VAT1L: variants seen among roughly 807,000 people sequenced by gnomAD.
VAT1L encodes the protein putative NADPH-dependent quinone oxidoreductase VAT1L.
Under a neutral mutation model 44.1 loss-of-function variants are expected in VAT1L, and 34 were observed. That is an observed-to-expected ratio of 0.77 (90% CI 0.59 to 1.03). The LOEUF is 1.03. Among genes scored for constraint, VAT1L ranks in the 50% least tolerant of loss-of-function variants. The pLI is 0.00. For missense variants in VAT1L, 615 were observed against 538.8 expected (o/e 1.14, Z -1.40); for synonymous variants, 253 against 202.2 (o/e 1.25, Z -2.13).
intron 7 of VAT1L, among the ~76,000 whole-genome samples, chr16:77,960,235 C>A (rs1430839531): frequency 6.6e-6 from 1 of 152,168 alleles, no homozygotes; most frequent in Non-Finnish European, 1.5e-5. Flanking sequence ...TTGCTTGCCA[C>A]TGTCTTCCCA....
intron 3 of VAT1L, among the ~76,000 whole-genome samples, chr16:77,852,926 T>G (rs1469266690): frequency 6.6e-6 from 1 of 152,160 alleles, no homozygotes; most frequent in Non-Finnish European, 1.5e-5. Flanking sequence ...TCATAAAGGT[T>G]GTGATGAGGA....
intron 7 of VAT1L, among the ~76,000 whole-genome samples, chr16:77,897,040 G>C (rs1378963877): frequency 1.3e-5 from 2 of 152,190 alleles, no homozygotes; most frequent in Admixed American, 1.3e-4. Flanking sequence ...AAAGGCAACA[G>C]AGGACCAGTT....
intron 4 of VAT1L, among the ~76,000 whole-genome samples, chr16:77,874,911 C>G (rs576338138): frequency 6.7e-6 from 1 of 149,482 alleles, no homozygotes; most frequent in Non-Finnish European, 1.5e-5. Flanking sequence ...ATTCTCAGAG[C>G]GTGGAGCTGG....
intron 7 of VAT1L, among the ~76,000 whole-genome samples, chr16:77,953,774 G>A (rs2084453046): frequency 6.6e-6 from 1 of 152,044 alleles, no homozygotes; most frequent in Non-Finnish European, 1.5e-5. Context: ...GAGATTATGG[G>A]CATGAGCCAT....
intron 7 of VAT1L, among the ~76,000 whole-genome samples, chr16:77,916,955 T>C (rs1446047068): frequency 6.6e-6 from 1 of 152,170 alleles, no homozygotes; most frequent in East Asian, 1.9e-4. Flanking sequence ...AGTTGGGAGT[T>C]CTAATAGACA....
At chr16:77,959,698 A>G (rs1021443504) in intron 7 of VAT1L, among the ~76,000 whole-genome samples, 3 of 152,184 alleles carry the variant, frequency 2.0e-5, no homozygotes, top group African/African-American at 7.2e-5. Context: ...ATTAAAAAGG[A>G]AGTTGGCTAC....
At chr16:77,840,002 GT>G (rs1458340005) in intron 3 of VAT1L, among the ~76,000 whole-genome samples, 1 of 137,736 alleles carries the variant, frequency 7.3e-6, no homozygotes, top group African/African-American at 2.8e-5. Context: ...ACCTTGCTGG[GT>G]GATCTTAATC....
At chr16:77,935,502 A>G (rs1310705727) in intron 7 of VAT1L, among the ~76,000 whole-genome samples, 3 of 139,876 alleles carry the variant, frequency 2.1e-5, no homozygotes, top group African/African-American at 8.2e-5. Flanking sequence ...CGGTTTATAA[A>G]AAAAAAAAAA....
chr16:77,799,873 T>C (rs933851582), intron 1 of VAT1L: 5 of 152,222 alleles, frequency 3.3e-5, no homozygotes, highest in Admixed American at 3.3e-4. Flanking sequence ...ATTTTCTCTG[T>C]GATCAGTTAA....
chr16:77,937,721 C>G (rs1200877362), intron 7 of VAT1L, among the ~76,000 whole-genome samples: 1 of 152,220 alleles, frequency 6.6e-6, no homozygotes, highest in African/African-American at 2.4e-5. Flanking sequence ...GGGGCCCTTC[C>G]CACCTGACTG....
intron 7 of VAT1L, among the ~76,000 whole-genome samples, chr16:77,946,279 C>CCTTTTTT (rs1223152362): frequency 1.4e-5 from 1 of 70,428 alleles, no homozygotes; most frequent in Non-Finnish European, 2.5e-5. Context: ...GTTACTTGTT[C>CCTTTTTT]TTTTTTTTTT....
At chr16:77,846,943 A>G (rs1021201268) in intron 3 of VAT1L, among the ~76,000 whole-genome samples, 5 of 152,234 alleles carry the variant, frequency 3.3e-5, no homozygotes, top group Admixed American at 2.0e-4. Context: ...TATTTAGAGT[A>G]TCTCTGAGAT....
At chr16:77,853,866 C>T (rs909048618) in intron 3 of VAT1L, among the ~76,000 whole-genome samples, 1 of 152,050 alleles carries the variant, frequency 6.6e-6, no homozygotes, top group Non-Finnish European at 1.5e-5. Flanking sequence ...TGAGGCCGGG[C>T]GCCGTGACTC....
At chr16:77,917,475 T>C (rs936367988) in intron 7 of VAT1L, among the ~76,000 whole-genome samples, 1 of 152,230 alleles carries the variant, frequency 6.6e-6, no homozygotes, top group African/African-American at 2.4e-5. Context: ...AAATTCATCC[T>C]AATTCAGTCC....
chr16:77,866,710 G>C (rs2016978044), intron 4 of VAT1L, among the ~76,000 whole-genome samples: 1 of 152,008 alleles, frequency 6.6e-6, no homozygotes, highest in Admixed American at 6.5e-5. Flanking sequence ...CTTGAGGCAG[G>C]TGTTGTAAAG....
intron 7 of VAT1L, among the ~76,000 whole-genome samples, chr16:77,897,052 C>T (rs1466206201): frequency 1.3e-5 from 2 of 152,152 alleles, no homozygotes; most frequent in Non-Finnish European, 2.9e-5. Context: ...GGACCAGTTT[C>T]AAGATTTTTC....
intron 4 of VAT1L, among the ~76,000 whole-genome samples, chr16:77,874,872 G>A (rs2017071971): frequency 6.9e-6 from 1 of 145,826 alleles, no homozygotes; most frequent in Non-Finnish European, 1.5e-5. Context: ...AAGCCAGTCT[G>A]GCTCCTAAGT....
intron 7 of VAT1L, among the ~76,000 whole-genome samples, chr16:77,939,826 T>G (rs1255821384): frequency 1.3e-5 from 2 of 152,244 alleles, no homozygotes; most frequent in Non-Finnish European, 2.9e-5. Context: ...CAGGGCATTA[T>G]AAATTTAAAA....
At chr16:77,860,927 C>G (rs1019066203) in intron 3 of VAT1L, among the ~76,000 whole-genome samples, 1 of 152,150 alleles carries the variant, frequency 6.6e-6, no homozygotes, top group Admixed American at 6.5e-5. Flanking sequence ...GACAGCATAA[C>G]AATGGAAAGT....
Sources: allele counts gnomAD v4.1 joint callset (sites outside exome capture counted in the v4.1 genomes callset), GRCh38; gene constraint gnomAD v4.1.1; transcripts MANE v1.5; gene names NCBI Gene and HGNC (gene_info 2026-07-23, HGNC 2026-07-21).